The following ERCC6 variants were observed in gnomAD, a reference collection of about 807,000 sequenced individuals.
The protein encoded by ERCC6 is DNA excision repair protein ERCC-6.
In ERCC6, 116 loss-of-function variants were observed where a neutral mutation model predicts 158.7. That is an observed-to-expected ratio of 0.73 (90% CI 0.63 to 0.85). The LOEUF (loss-of-function observed/expected upper bound fraction) is 0.85. Ranked by LOEUF, ERCC6 falls within the 40% of genes least tolerant of loss-of-function variation. The probability of loss-of-function intolerance (pLI) is 0.00; values close to 1 mark genes in which losing one functional copy is unlikely to be tolerated. For synonymous variants in ERCC6, 678 were observed against 659.3 expected (o/e 1.03, Z -0.43); for missense variants, 1,698 against 1,799.4 (o/e 0.94, Z 1.02).
intron 5 of ERCC6, among the ~76,000 whole-genome samples, chr10:49,523,758 G>C (rs145869154): frequency 6.6e-6 from 1 of 152,130 alleles, no homozygotes; most frequent in East Asian, 1.9e-4. Flanking sequence ...TCAGCCCTCT[G>C]TATGCCTCTT....
At chr10:49,498,726 G>A (rs1851306929) in intron 7 of ERCC6, among the ~76,000 whole-genome samples, 1 of 152,130 alleles carries the variant, frequency 6.6e-6, no homozygotes, top group South Asian at 2.1e-4. Context: ...TTCTTAGTAG[G>A]ATTGTCACCA....
chr10:49,526,942 CAGT>C (rs375435568), intron 4 of ERCC6, among the ~76,000 whole-genome samples: 5 of 152,216 alleles, frequency 3.3e-5, no homozygotes, highest in African/African-American at 1.2e-4. Flanking sequence ...CAGGGAGAGG[CAGT>C]AGAACAAGAA....
chr10:49,500,041 A>T (rs1851331275), intron 7 of ERCC6, among the ~76,000 whole-genome samples: 1 of 152,184 alleles, frequency 6.6e-6, no homozygotes, highest in Admixed American at 6.5e-5. Flanking sequence ...TTATAAAGGA[A>T]ATTAGGGAGA....
chr10:49,494,156 G>A (rs1190646015), intron 7 of ERCC6, among the ~76,000 whole-genome samples: 2 of 152,186 alleles, frequency 1.3e-5, no homozygotes, highest in African/African-American at 4.8e-5. Flanking sequence ...TAGAGGCACT[G>A]CCTGGATCTG....
chr10:49,493,945 G>A (rs1205828131), intron 7 of ERCC6, among the ~76,000 whole-genome samples: 3 of 152,224 alleles, frequency 2.0e-5, no homozygotes, highest in African/African-American at 7.2e-5. Context: ...TGCTGTGTGG[G>A]CAGGTAGTTC....
rs758707340 is a variant in ERCC6 at position 49,532,889 on chromosome 10, T to C, written c.76A>G (p.Asn26Asp). ...DCLQSQPVSN[N>D]EEMAIKQESG... The stretch of plus-strand genomic sequence containing the variant: ...TCTTGCTTGATTGCCATTTCTTCAT[T>C]ATTACTGACAGGTTGACTCTGTAAA... The change falls in exon 2 of 21, where the codon AAT becomes GAT. Residue 26 changes from asparagine to aspartate, a missense_variant. Transcript: ENST00000355832. 3.5e-5 allele frequency: 56 copies of C among 1,614,242 alleles called. No homozygotes were observed. The South Asian group carries it at 5.9e-4, about 17-fold the overall frequency.
rs777906196 is a variant in ERCC6 at position 49,505,915 on chromosome 10, C to T, written c.1495G>A (p.Val499Met). Reference protein sequence around the residue: ...SDAEFDEGFKVPGFLFKKLFK... With the variant: ...SDAEFDEGFKMPGFLFKKLFK... Reference sequence around the variant, plus strand: ...AGCTTTTTGAACAGAAAACCTGGCACTTTAAAACCTTCGTCAAATTCAGCA... The same window carrying T: ...AGCTTTTTGAACAGAAAACCTGGCATTTTAAAACCTTCGTCAAATTCAGCA... Residue 499 changes from valine (V) to methionine (M), a missense_variant, in exon 6 of 21, where the codon GTG (valine) becomes ATG (methionine). Transcript: ENST00000355832. 8 of 1,613,414 alleles carry T rather than the reference C, an allele frequency of 5.0e-6. No individual in the cohort carries two copies. The highest frequency in any genetic ancestry group is 1.7e-4 in the Middle Eastern group (1 of 6,056).
chr10:49,460,341 A>C (rs771003061), intron 20 of ERCC6, 32 bp downstream of exon 20: 6 of 1,486,750 alleles, frequency 4.0e-6, no homozygotes, highest in Non-Finnish European at 5.6e-6. Flanking sequence ...AGCAAGTCTC[A>C]CCCTGGAAAG....
intron 18 of ERCC6, among the ~76,000 whole-genome samples, chr10:49,464,290 T>G (rs1850633158): frequency 6.6e-6 from 1 of 152,148 alleles, no homozygotes; most frequent in African/African-American, 2.4e-5. Flanking sequence ...AACTTTGAAC[T>G]TGAGAGAGAT....
At chr10:49,480,979 A>G (rs750657678) in intron 10 of ERCC6, among the ~76,000 whole-genome samples, 1 of 152,250 alleles carries the variant, frequency 6.6e-6, no homozygotes, top group South Asian at 2.1e-4. Context: ...GAGTGATTAT[A>G]GACTAGATAA....
intron 15 of ERCC6, 193 bp from the exon 16 acceptor site, chr10:49,472,663 G>A (rs1850802118): frequency 2.7e-6 from 2 of 738,126 alleles, no homozygotes; most frequent in Non-Finnish European, 4.5e-6. Context: ...TTGAAAAAAT[G>A]TTTGTAACTT....
At chr10:49,474,382 A>G (rs1199752202) in intron 12 of ERCC6, 140 bp from the exon 13 acceptor site, 1 of 693,488 alleles carries the variant, frequency 1.4e-6, no homozygotes, top group Non-Finnish European at 2.6e-6. Flanking sequence ...TAGTCACAGC[A>G]TTATCATGAG....
intron 5 of ERCC6, among the ~76,000 whole-genome samples, chr10:49,512,642 G>A (rs1224751914): frequency 6.6e-6 from 1 of 152,184 alleles, no homozygotes; most frequent in Non-Finnish European, 1.5e-5. Flanking sequence ...AAATGCTTGG[G>A]ACAAGAAGTG....
chr10:49,496,463 A>C (rs1851268439), intron 7 of ERCC6, among the ~76,000 whole-genome samples: 1 of 152,210 alleles, frequency 6.6e-6, no homozygotes, highest in Admixed American at 6.5e-5. Context: ...GGGAATCATA[A>C]GTGATTTTTG....
chr10:49,511,969 G>A (rs1348163835), intron 5 of ERCC6, among the ~76,000 whole-genome samples: 1 of 152,126 alleles, frequency 6.6e-6, no homozygotes, highest in Non-Finnish European at 1.5e-5. Context: ...TTTTTATGAG[G>A]ACTAAATGAA....
chr10:49,529,410 T>C (rs1837417353), intron 3 of ERCC6, among the ~76,000 whole-genome samples: 1 of 152,214 alleles, frequency 6.6e-6, no homozygotes, highest in Non-Finnish European at 1.5e-5. Flanking sequence ...GACTAGGACC[T>C]GAAGTGGTCT....
At chr10:49,511,799 G>A (rs976393436) in intron 5 of ERCC6, among the ~76,000 whole-genome samples, 2 of 152,148 alleles carry the variant, frequency 1.3e-5, no homozygotes, top group Non-Finnish European at 2.9e-5. Context: ...CCCAACAACA[G>A]ACACAGATTT....
intron 10 of ERCC6, 84 bp from the exon 11 acceptor site, chr10:49,478,554 TAA>T (rs369906037): frequency 1.4e-3 from 991 of 688,648 alleles, no homozygotes; most frequent in Middle Eastern, 1.7e-3. Context: ...TTCCATTCCT[TAA>T]AAAAAAAAAA....
At chr10:49,525,768 A>G (rs1837302709) in intron 4 of ERCC6, among the ~76,000 whole-genome samples, 1 of 150,462 alleles carries the variant, frequency 6.6e-6, no homozygotes, top group Non-Finnish European at 1.5e-5. Flanking sequence ...CATATCAACT[A>G]ACAGAATTAC....
Sources: allele counts gnomAD v4.1 joint callset (sites outside exome capture counted in the v4.1 genomes callset), GRCh38; gene constraint gnomAD v4.1.1; transcripts MANE v1.5; gene names NCBI Gene and HGNC (gene_info 2026-07-23, HGNC 2026-07-21).